Variants in DNAJC15 observed in about 807,000 individuals in gnomAD.
DNAJC15 encodes the protein DnaJ heat shock protein family (Hsp40) member C15, also known as dnaJ homolog subfamily C member 15.
DNAJC15 carries 27 observed loss-of-function variants against 22.4 expected under a neutral mutation model. The observed-to-expected ratio is 1.20, with a 90% CI of 0.89 to 1.66. The LOEUF is 1.66. Among genes scored for constraint, DNAJC15 ranks in the 40% most tolerant of loss-of-function variants. The probability of loss-of-function intolerance (pLI) is 0.00; values close to 1 mark genes in which losing one functional copy is unlikely to be tolerated. For synonymous variants in DNAJC15, 79 were observed against 63.2 expected, an observed-to-expected ratio of 1.25 and a Z score of -1.19; for missense variants, 208 against 187.1, an observed-to-expected ratio of 1.11 and a Z score of -0.65.
At chr13:43,061,779 G>A (rs1055963220) in intron 1 of DNAJC15, among the ~76,000 whole-genome samples, 5 of 152,194 alleles carry the variant, frequency 3.3e-5, no homozygotes, top group Non-Finnish European at 5.9e-5. Flanking sequence ...CATGATCTAC[G>A]CAGCTCCTGC....
intron 4 of DNAJC15, among the ~76,000 whole-genome samples, chr13:43,079,155 AATG>A (rs2153441369): frequency 6.6e-6 from 1 of 152,294 alleles, no homozygotes; most frequent in Non-Finnish European, 1.5e-5. Context: ...AGAGAAAATT[AATG>A]ATATTATATA....
intron 5 of DNAJC15, among the ~76,000 whole-genome samples, chr13:43,091,247 G>C (rs2153441832): frequency 6.6e-6 from 1 of 152,168 alleles, no homozygotes; most frequent in Non-Finnish European, 1.5e-5. Context: ...ACCACGCCTG[G>C]CTAATTTTTG....
At chr13:43,102,578 C>T (rs2040775363) in intron 5 of DNAJC15, among the ~76,000 whole-genome samples, 1 of 152,080 alleles carries the variant, frequency 6.6e-6, no homozygotes, top group Admixed American at 6.5e-5. Context: ...CATTGCACTG[C>T]AGCCTGGGCA....
intron 3 of DNAJC15, among the ~76,000 whole-genome samples, chr13:43,076,846 A>T (rs1285713189): frequency 3.9e-5 from 6 of 152,120 alleles, no homozygotes; most frequent in Non-Finnish European, 8.8e-5. Context: ...CTAAATCCAG[A>T]GGTCAGTTTG....
chr13:43,087,504 G>A (rs1336341416), intron 5 of DNAJC15, among the ~76,000 whole-genome samples: 1 of 152,158 alleles, frequency 6.6e-6, no homozygotes, highest in East Asian at 1.9e-4. Context: ...TTTGGTAAGC[G>A]AAATCCAAGA....
intron 1 of DNAJC15, among the ~76,000 whole-genome samples, chr13:43,056,538 C>T (rs1206173645): frequency 1.3e-5 from 2 of 152,094 alleles, no homozygotes; most frequent in African/African-American, 4.8e-5. Flanking sequence ...CTGTTAATTC[C>T]ATTTGTTCTA....
intron 1 of DNAJC15, among the ~76,000 whole-genome samples, chr13:43,058,546 A>G (rs905462907): frequency 6.6e-6 from 1 of 152,134 alleles, no homozygotes; most frequent in African/African-American, 2.4e-5. Flanking sequence ...TAAGCCTCCC[A>G]CTGAGAAAGC....
intron 1 of DNAJC15, among the ~76,000 whole-genome samples, chr13:43,049,451 C>G (rs9533361): frequency 2.0e-5 from 3 of 151,840 alleles, no homozygotes; most frequent in Admixed American, 1.3e-4. Flanking sequence ...GTTTAGTAAA[C>G]GAGAAATAGC....
At chr13:43,105,404 A>G (rs9533390) in intron 5 of DNAJC15, among the ~76,000 whole-genome samples, 34,838 of 152,120 alleles carry the variant, frequency 0.23, 4,566 homozygotes, top group Non-Finnish European at 0.31. Context: ...TAAGAATTGT[A>G]GTTTTGGACT....
chr13:43,065,807 G>C, intron 2 of DNAJC15, 70 bp downstream of exon 2: 1 of 1,377,020 alleles, frequency 7.3e-7, no homozygotes, highest in Admixed American at 1.7e-5. Context: ...AGTGATTCAT[G>C]AGTAGACCCT....
intron 2 of DNAJC15, among the ~76,000 whole-genome samples, chr13:43,066,702 A>C (rs1943610492): frequency 6.6e-6 from 1 of 151,954 alleles, no homozygotes; most frequent in Admixed American, 6.6e-5. Context: ...TGCTCACTTC[A>C]AGCTCCGCCT....
At chr13:43,069,757 C>T (rs564492297) in intron 3 of DNAJC15, among the ~76,000 whole-genome samples, 13 of 152,132 alleles carry the variant, frequency 8.5e-5, no homozygotes, top group African/African-American at 2.2e-4. Context: ...GTTGATCATC[C>T]GCTATTCTGC....
intron 1 of DNAJC15, among the ~76,000 whole-genome samples, chr13:43,035,700 T>G (rs142033391): frequency 3.3e-4 from 50 of 152,292 alleles, no homozygotes; most frequent in African/African-American, 1.1e-3. Context: ...TTTTTCAAAG[T>G]ACCAATTTAT....
chr13:43,056,457 T>C (rs1344710985), intron 1 of DNAJC15, among the ~76,000 whole-genome samples: 1 of 152,238 alleles, frequency 6.6e-6, no homozygotes, highest in African/African-American at 2.4e-5. Flanking sequence ...TTGTGGTCTA[T>C]CTTGGAGAAT....
At chr13:43,038,917 A>G (rs1008672689) in intron 1 of DNAJC15, among the ~76,000 whole-genome samples, 3 of 152,186 alleles carry the variant, frequency 2.0e-5, no homozygotes, top group Non-Finnish European at 4.4e-5. Context: ...TTGATGTTAG[A>G]TAATAAAAAT....
chr13:43,033,104 T>C (rs938600290), intron 1 of DNAJC15, among the ~76,000 whole-genome samples: 1 of 152,106 alleles, frequency 6.6e-6, no homozygotes, highest in African/African-American at 2.4e-5. Context: ...GGGATGGCGC[T>C]AAACCACCCA....
chr13:43,038,603 T>C (rs964628111), intron 1 of DNAJC15, among the ~76,000 whole-genome samples: 5 of 152,058 alleles, frequency 3.3e-5, no homozygotes, highest in Non-Finnish European at 7.4e-5. Flanking sequence ...CCATCCTGGC[T>C]AACACAGTGA....
At chr13:43,083,181 T>A (rs1166570023) in intron 4 of DNAJC15, among the ~76,000 whole-genome samples, 2 of 152,100 alleles carry the variant, frequency 1.3e-5, no homozygotes, top group Non-Finnish European at 2.9e-5. Flanking sequence ...TTTTTGTTTT[T>A]TTTTGAGACG....
intron 5 of DNAJC15, among the ~76,000 whole-genome samples, chr13:43,102,891 C>T (rs980959578): frequency 5.3e-5 from 8 of 152,062 alleles, no homozygotes; most frequent in East Asian, 3.9e-4. Flanking sequence ...TTCTGTTTTT[C>T]GGAAAAATTC....
Sources: gnomAD v4.1 joint callset for allele counts (sites outside exome capture counted in the v4.1 genomes callset) on GRCh38, gnomAD v4.1.1 for gene constraint, MANE v1.5 for transcripts, NCBI Gene and HGNC (gene_info 2026-07-23, HGNC 2026-07-21) for gene names.